Variants in DYSF observed in about 807,000 individuals in gnomAD.
DYSF encodes the protein dysferlin.
In DYSF, 212 loss-of-function variants were observed where a neutral mutation model predicts 274.9. The observed-to-expected ratio is 0.77, with a 90% CI of 0.69 to 0.86. The LOEUF (loss-of-function observed/expected upper bound fraction) is 0.86, where lower values mean the gene tolerates loss of function less well. DYSF is among the 40% of genes least tolerant of loss of function. The pLI is 0.00. For missense variants in DYSF, 2,666 were observed against 2,783.2 expected (o/e 0.96, Z 0.95); for synonymous variants, 1,091 against 1,078.7 (o/e 1.01, Z -0.22).
chr2:71,501,231 C>T (rs1319597064), intron 3 of DYSF, among the ~76,000 whole-genome samples: 1 of 152,134 alleles, frequency 6.6e-6, no homozygotes, highest in Non-Finnish European at 1.5e-5. Flanking sequence ...ATCTCTCCCC[C>T]TCTATCCCCT....
At position 71,511,843 on chromosome 2, in the gene DYSF, C is replaced by T. The variant is rs1330324133; in HGVS notation, c.382C>T (p.Pro128Ser). ...CCTGCAGGTGTCCTACACACCGCTG[C>T]CTGGAGCTGTGCCCCTGTTCCCGCC... Reference protein sequence around the residue: ...LVLQVSYTPLPGAVPLFPPPT... With the variant: ...LVLQVSYTPLSGAVPLFPPPT... The change falls in exon 5 of 56, where the codon CCT becomes TCT. Residue 128 changes from proline (P) to serine (S), a missense_variant. By Grantham distance (74) the Pro-to-Ser change is moderately conservative. Coordinates refer to ENST00000410020, the MANE Select transcript of DYSF (RefSeq NM_001130987.2). 6.4e-7 allele frequency: 1 copy of T among 1,551,734 alleles called. No individual in the cohort carries two copies. Among genetic ancestry groups the T allele is most frequent in the East Asian group, 2.4e-5 (1 of 40,920 alleles).
chr2:71,611,270 C>T lies in DYSF; in HGVS notation c.3983C>T (p.Pro1328Leu), dbSNP rs1185353979. The change falls in exon 37 of 56, where the codon CCA becomes CTA. Residue 1328 changes from proline (P) to leucine (L), a missense_variant. Transcript: ENST00000410020. The stretch of plus-strand genomic sequence containing the variant: ...TCTGAGGACACAGACCTGCCCTACC[C>T]ACCACCCCAGAGGGAGGCCAACATC... The part of the protein sequence containing the change: ...DESEDTDLPY[P>L]PPQREANIYM... 2 of 1,613,918 alleles carry T rather than the reference C, an allele frequency of 1.2e-6. No individual in the cohort carries two copies. The highest frequency in any genetic ancestry group is 1.3e-5 in the African/African-American group (1 of 74,936).
At chr2:71,665,450 T>A in intron 47 of DYSF, 146 bp downstream of exon 47, 1 of 998,144 alleles carries the variant, frequency 1.0e-6, no homozygotes, top group Middle Eastern at 2.2e-4. Flanking sequence ...ACAGATGGGC[T>A]CCACTTGCAC....
chr2:71,556,061 G>C lies in DYSF; in HGVS notation c.2206G>C (p.Ala736Pro). 1.3e-6 allele frequency: 2 copies of C among 1,569,444 alleles called. No individual in the cohort carries two copies. The highest frequency in any genetic ancestry group is 1.7e-6 in the Non-Finnish European group (2 of 1,157,736). The change falls in exon 22 of 56, where the codon GCA becomes CCA. Residue 736 changes from alanine (A) to proline (P), a missense_variant. Ala to Pro is a conservative substitution (Grantham distance 27, BLOSUM62 -1). Coordinates refer to ENST00000410020, the MANE Select transcript of DYSF (RefSeq NM_001130987.2). ...LVAQLTDELIAGCSQPLGDIH... is the reference protein window; with the variant it reads ...LVAQLTDELIPGCSQPLGDIH... ...GGCTCAGCTGACGGATGAGCTCATC[G>C]CAGGCTGCAGGTAGGGGGGACCTGG...
At chr2:71,466,483 C>G (rs913658238), upstream of DYSF, among the ~76,000 whole-genome samples, 1 of 152,184 alleles carries the variant, frequency 6.6e-6, no homozygotes, top group African/African-American at 2.4e-5. Context: ...TGTGCGCTCT[C>G]GGAGGCCGAG....
At chr2:71,551,294 C>G (rs963389591) in intron 18 of DYSF, 138 bp downstream of exon 18, 2 of 862,062 alleles carry the variant, frequency 2.3e-6, no homozygotes, top group African/African-American at 3.3e-5. Context: ...AGTTCTCCTT[C>G]TGCCCCTTGA....
At chr2:71,526,418 T>TGGGGGGGGGGGGGGGGGGGGGTG in intron 13 of DYSF, 72 bp downstream of exon 13, 1 of 261,506 alleles carries the variant, frequency 3.8e-6, no homozygotes, top group Non-Finnish European at 7.0e-6. Flanking sequence ...GGGTGGGCGA[T>TGGGGGGGGGGGGGGGGGGGGGTG]GGCGGGCGGG....
rs61626723 is a variant in DYSF, at chr2:71,478,212, ATTTTTT to A, written c.92-2659_92-2654del. ...TAAAAGCTCTTTGGCATCCTCAATAATTTTTTTTTTTTTTTTTGAGGCAGAGTCTCA... is the reference window on the plus strand; with the variant it reads ...TAAAAGCTCTTTGGCATCCTCAATAATTTTTTTTTTTGAGGCAGAGTCTCA... On this transcript the variant is annotated intron_variant, in intron 1 of 55. Coordinates refer to ENST00000410020, the MANE Select transcript of DYSF (RefSeq NM_001130987.2). Among the ~76,000 whole-genome samples the A allele has an allele frequency of 5.0e-5, 7 of 140,932 alleles. No homozygotes were observed. In the East Asian group the frequency reaches 1.2e-3, roughly 25 times the overall value. The allele number at this position is 140,932 out of a possible 152,430, so 92.5% of individuals were successfully genotyped here.
At chr2:71,526,082 CGGTAGT>C in intron 12 of DYSF, 132 bp from the exon 13 acceptor site, 1 of 1,485,548 alleles carries the variant, frequency 6.7e-7, no homozygotes, top group East Asian at 2.3e-5. Flanking sequence ...CGAGACCACG[CGGTAGT>C]AAGTGTCGGA....
In DYSF at chr2:71,626,508, G is replaced by T. The variant is rs192272958; in HGVS notation, c.4527+5899G>T. Reference sequence around the variant, plus strand: ...ATATAACAGGAATTTCAGCTTCAGAGAGCTTAATTACAGTAATAAATATAT... The same window carrying T: ...ATATAACAGGAATTTCAGCTTCAGATAGCTTAATTACAGTAATAAATATAT... On this transcript the variant is annotated intron_variant, in intron 41 of 55. Transcript: ENST00000410020. Among the ~76,000 whole-genome samples the T allele has an allele frequency of 1.6e-3, 248 of 151,504 alleles. 1 individual carries two copies. Among genetic ancestry groups the T allele is most frequent in the African/African-American group, 5.8e-3 (238 of 41,384 alleles).
chr2:71,504,497 C>T (rs2085296384), intron 4 of DYSF, among the ~76,000 whole-genome samples: 1 of 152,192 alleles, frequency 6.6e-6, no homozygotes, highest in African/African-American at 2.4e-5. Context: ...TTTCAGCCTC[C>T]TGTCTCTTAA....
chr2:71,466,745 C>T lies in DYSF; in HGVS notation c.-98C>T, dbSNP rs1245932566. ...GAAGGCGACAGCTCTCTTGGCGCGG[C>T]TGCCTGGGAGCCGGGCGCTTGCTGG... On this transcript the variant is annotated 5_prime_UTR_variant, in exon 1 of 56. Transcript: ENST00000410020. The T allele has an allele frequency of 3.6e-6, 5 of 1,405,414 alleles. No individual in the cohort carries two copies. Among genetic ancestry groups the T allele is most frequent in the Non-Finnish European group, 4.6e-6 (5 of 1,076,464 alleles). The allele number at this position is 1,405,414 out of a possible 1,614,324, so 87.1% of individuals were successfully genotyped here.
chr2:71,680,487 A>G (rs2095282336), intron 53 of DYSF, among the ~76,000 whole-genome samples: 1 of 152,190 alleles, frequency 6.6e-6, no homozygotes, highest in Non-Finnish European at 1.5e-5. Flanking sequence ...ATAACCCAAT[A>G]AATTTTAAAA....
chr2:71,499,967 C>T (rs2152710000), intron 3 of DYSF, among the ~76,000 whole-genome samples: 1 of 152,306 alleles, frequency 6.6e-6, no homozygotes, highest in Admixed American at 6.5e-5. Flanking sequence ...TCATCTGAGC[C>T]TCTGGAATCC....
At chr2:71,654,212 A>G (rs759666232) in intron 42 of DYSF, among the ~76,000 whole-genome samples, 3 of 152,232 alleles carry the variant, frequency 2.0e-5, no homozygotes, top group Non-Finnish European at 4.4e-5. Flanking sequence ...ACCATCTTCT[A>G]TCTATCAAAT....
At chr2:71,653,524 G>T (rs908428887) in intron 42 of DYSF, among the ~76,000 whole-genome samples, 4 of 151,938 alleles carry the variant, frequency 2.6e-5, no homozygotes, top group African/African-American at 9.7e-5. Context: ...CATGGATGAA[G>T]CTGGAAACCA....
At chr2:71,454,478 A>C (rs1160098918) in intron 1 of DYSF, among the ~76,000 whole-genome samples, 4 of 151,892 alleles carry the variant, frequency 2.6e-5, no homozygotes, top group Non-Finnish European at 4.4e-5. Flanking sequence ...CCTATTTATA[A>C]CCCAGCTCTC....
At chr2:71,571,172 G>T (rs189661473) in intron 29 of DYSF, among the ~76,000 whole-genome samples, 30 of 133,236 alleles carry the variant, frequency 2.3e-4, no homozygotes, top group Non-Finnish European at 3.6e-4. Context: ...CACACCCAAA[G>T]ATCACACCCA....
At chr2:71,654,901 A>C (rs1284543404) in intron 42 of DYSF, among the ~76,000 whole-genome samples, 1 of 152,166 alleles carries the variant, frequency 6.6e-6, no homozygotes, top group Non-Finnish European at 1.5e-5. Flanking sequence ...CAACATGGCC[A>C]GAACTCATCT....
Sources: allele counts gnomAD v4.1 joint callset (sites outside exome capture counted in the v4.1 genomes callset), GRCh38; gene constraint gnomAD v4.1.1; transcripts MANE v1.5; gene names NCBI Gene and HGNC (gene_info 2026-07-23, HGNC 2026-07-21).